Variants in DPYD observed in about 807,000 individuals in gnomAD.
The protein encoded by DPYD is dihydropyrimidine dehydrogenase [NADP(+)].
In DPYD, 109 loss-of-function variants were observed where a neutral mutation model predicts 116.2. The observed-to-expected ratio is 0.94, with a 90% CI of 0.80 to 1.10. The LOEUF is 1.10. Among genes scored for constraint, DPYD ranks in the 50% least tolerant of loss-of-function variants. DPYD has a pLI of 0.00. For synonymous variants in DPYD, 440 were observed against 432.0 expected, an observed-to-expected ratio of 1.02 and a Z score of -0.23; for missense variants, 1,302 against 1,254.5, an observed-to-expected ratio of 1.04 and a Z score of -0.57.
intron 13 of DPYD, among the ~76,000 whole-genome samples, chr1:97,505,015 G>A (rs920984604): frequency 1.3e-5 from 2 of 151,890 alleles, no homozygotes; most frequent in African/African-American, 4.8e-5. Context: ...GGACTTGGGT[G>A]GTCATTGGCC....
intron 13 of DPYD, among the ~76,000 whole-genome samples, chr1:97,483,067 C>G (rs547884197): frequency 6.6e-6 from 1 of 152,136 alleles, no homozygotes; most frequent in African/African-American, 2.4e-5. Flanking sequence ...TTCCCACATA[C>G]CATGGTAACT....
chr1:97,322,129 A>T (rs1668321953), intron 16 of DPYD, among the ~76,000 whole-genome samples: 2 of 139,350 alleles, frequency 1.4e-5, no homozygotes, highest in Non-Finnish European at 3.1e-5. Flanking sequence ...GATATACCTA[A>T]TGCTAGATGA....
intron 6 of DPYD, among the ~76,000 whole-genome samples, chr1:97,695,960 T>A (rs1286846746): frequency 6.6e-6 from 1 of 151,772 alleles, no homozygotes; most frequent in African/African-American, 2.4e-5. Context: ...TGAAATCCCA[T>A]CTTTATTAAA....
At chr1:97,292,721 A>AGC (rs1553250016) in intron 18 of DPYD, among the ~76,000 whole-genome samples, 2 of 73,764 alleles carry the variant, frequency 2.7e-5, no homozygotes, top group African/African-American at 8.9e-5. Flanking sequence ...CACACGCGCG[A>AGC]GCACACACAC....
intron 12 of DPYD, among the ~76,000 whole-genome samples, chr1:97,537,694 A>G (rs553586410): frequency 6.6e-6 from 1 of 152,296 alleles, no homozygotes; most frequent in Non-Finnish European, 1.5e-5. Context: ...TTTCAAGTGA[A>G]AGATTAACAA....
At chr1:97,794,589 A>T (rs527895852) in intron 3 of DPYD, among the ~76,000 whole-genome samples, 2 of 152,172 alleles carry the variant, frequency 1.3e-5, no homozygotes, top group Non-Finnish European at 2.9e-5. Context: ...CCTGGATTCC[A>T]TTCACCTAAG....
At chr1:97,869,332 TC>T (rs1671547365) in intron 2 of DPYD, among the ~76,000 whole-genome samples, 1 of 151,724 alleles carries the variant, frequency 6.6e-6, no homozygotes, top group East Asian at 1.9e-4. Context: ...GTCAAATTTA[TC>T]CAGAATTTGT....
intron 11 of DPYD, among the ~76,000 whole-genome samples, chr1:97,563,371 T>C (rs1652299184): frequency 6.6e-6 from 1 of 152,216 alleles, no homozygotes; most frequent in Admixed American, 6.5e-5. Flanking sequence ...ACCGTATCTA[T>C]TACATTAAAT....
intron 12 of DPYD, among the ~76,000 whole-genome samples, chr1:97,533,281 T>C (rs1007748637): frequency 2.0e-5 from 3 of 152,128 alleles, no homozygotes; most frequent in Admixed American, 6.6e-5. Flanking sequence ...ATATTATCTG[T>C]TAATATAATA....
chr1:97,368,103 AATTGTATGCAAAAAG>A (rs1256446850), intron 16 of DPYD, among the ~76,000 whole-genome samples: 1 of 152,108 alleles, frequency 6.6e-6, no homozygotes, highest in Non-Finnish European at 1.5e-5. Flanking sequence ...AAGGAATAAT[AATTGTATGCAAAAAG>A]GTATAGTAGG....
chr1:97,609,888 T>C (rs1225249288), intron 8 of DPYD, among the ~76,000 whole-genome samples: 1 of 151,980 alleles, frequency 6.6e-6, no homozygotes, highest in Non-Finnish European at 1.5e-5. Flanking sequence ...ACACTACATT[T>C]TGGAATGATT....
rs72979714 is a variant in DPYD, at chr1:97,837,879, C to G, written c.151-9683G>C. 7.2e-3 allele frequency among the ~76,000 whole-genome samples: 1,088 copies of G among 152,156 alleles called. 9 individuals are homozygous for G. Among genetic ancestry groups the G allele is most frequent in the African/African-American group, 0.025 (1,039 of 41,526 alleles). On this transcript the variant is annotated intron_variant, in intron 2 of 22. Transcript: ENST00000370192. ...CAGGGATCTGAATAGAATTCTAAGG[C>G]ACCCACTATTTTTTATTCCAACAGC... is the stretch of plus-strand genomic sequence containing the variant.
chr1:97,402,169 G>T (rs72728482), intron 14 of DPYD, among the ~76,000 whole-genome samples: 11,202 of 151,992 alleles, frequency 0.074, 506 homozygotes, highest in African/African-American at 0.12. Flanking sequence ...CAACTTGCGG[G>T]GATTTCTACT....
intron 20 of DPYD, among the ~76,000 whole-genome samples, chr1:97,134,593 C>T (rs978839598): frequency 3.9e-5 from 6 of 152,118 alleles, no homozygotes; most frequent in African/African-American, 1.2e-4. Context: ...GAGGAGGAAA[C>T]GTGTCAACAA....
intron 7 of DPYD, chr1:97,691,418 C>A: frequency 1.6e-5 from 4 of 256,610 alleles, no homozygotes; most frequent in East Asian, 8.6e-5. Flanking sequence ...TTAAAGAAAC[C>A]AAATCCTTCT....
At chr1:97,371,011 C>G (rs1287817723) in intron 16 of DPYD, among the ~76,000 whole-genome samples, 3 of 152,068 alleles carry the variant, frequency 2.0e-5, no homozygotes, top group Non-Finnish European at 4.4e-5. Flanking sequence ...ACGGCCTTCC[C>G]TCTTCATAAA....
intron 18 of DPYD, among the ~76,000 whole-genome samples, chr1:97,293,179 A>C (rs568216862): frequency 6.6e-6 from 1 of 152,224 alleles, no homozygotes; most frequent in Non-Finnish European, 1.5e-5. Context: ...ATTTTTTTAA[A>C]ACAGTGATTA....
intron 13 of DPYD, among the ~76,000 whole-genome samples, chr1:97,507,224 G>A (rs180858858): frequency 6.6e-6 from 1 of 151,950 alleles, no homozygotes; most frequent in African/African-American, 2.4e-5. Flanking sequence ...TAAGAACCTA[G>A]CTAGGTGATA....
chr1:97,809,658 A>C (rs79425974), intron 3 of DPYD, among the ~76,000 whole-genome samples: 1 of 152,314 alleles, frequency 6.6e-6, no homozygotes, highest in African/African-American at 2.4e-5. Context: ...AGGGAGATGC[A>C]GGATAGCTGA....
Sources: allele counts gnomAD v4.1 joint callset (sites outside exome capture counted in the v4.1 genomes callset), GRCh38; gene constraint gnomAD v4.1.1; transcripts MANE v1.5; gene names NCBI Gene and HGNC (gene_info 2026-07-23, HGNC 2026-07-21).